The following PTPRO variants were observed in gnomAD, a reference collection of about 807,000 sequenced individuals.
PTPRO encodes the protein receptor-type tyrosine-protein phosphatase O.
PTPRO carries 62 observed loss-of-function variants against 145.2 expected under a neutral mutation model. The observed-to-expected ratio is 0.43, with a 90% CI of 0.35 to 0.53. The LOEUF (loss-of-function observed/expected upper bound fraction) is 0.53, where lower values mean the gene tolerates loss of function less well. PTPRO is among the 20% of genes least tolerant of loss of function. PTPRO has a pLI of 0.01. For synonymous variants in PTPRO, 565 were observed against 514.7 expected, an observed-to-expected ratio of 1.10 and a Z score of -1.32; for missense variants, 1,345 against 1,482.7, an observed-to-expected ratio of 0.91 and a Z score of 1.53.
intron 1 of PTPRO, among the ~76,000 whole-genome samples, chr12:15,445,278 T>A (rs530189178): frequency 6.6e-6 from 1 of 152,288 alleles, no homozygotes; most frequent in South Asian, 2.1e-4. Context: ...CATATATTTC[T>A]TTTATCTAAA....
intron 19 of PTPRO, among the ~76,000 whole-genome samples, chr12:15,577,598 G>T (rs1944214347): frequency 6.6e-6 from 1 of 152,166 alleles, no homozygotes; most frequent in Admixed American, 6.5e-5. Flanking sequence ...ATTATGAAGA[G>T]TAAAACTTGT....
intron 1 of PTPRO, among the ~76,000 whole-genome samples, chr12:15,362,781 A>G (rs1938248982): frequency 6.6e-6 from 1 of 152,098 alleles, no homozygotes; most frequent in Non-Finnish European, 1.5e-5. Context: ...ATAAAATAAA[A>G]CGATATTATA....
At chr12:15,554,880 G>C (rs1370047060) in intron 15 of PTPRO, among the ~76,000 whole-genome samples, 1 of 152,282 alleles carries the variant, frequency 6.6e-6, no homozygotes. Flanking sequence ...GCAAGTGCAG[G>C]TGCAGAGTAG....
intron 2 of PTPRO, among the ~76,000 whole-genome samples, chr12:15,493,124 G>C (rs1942032840): frequency 6.6e-6 from 1 of 152,094 alleles, no homozygotes; most frequent in Non-Finnish European, 1.5e-5. Flanking sequence ...ATCTACAAAG[G>C]AATGACTATT....
At chr12:15,465,901 A>G (rs142208337) in intron 1 of PTPRO, among the ~76,000 whole-genome samples, 40 of 152,252 alleles carry the variant, frequency 2.6e-4, no homozygotes, top group African/African-American at 4.3e-4. Flanking sequence ...AAGAAACCCC[A>G]TGGTTTTTTT....
intron 12 of PTPRO, among the ~76,000 whole-genome samples, chr12:15,528,522 C>CAA (rs34411111): frequency 0.43 from 55,117 of 129,602 alleles, 11,190 homozygotes; most frequent in Admixed American, 0.48. Context: ...AAGAATCTGT[C>CAA]AAAAAAAAAA....
In PTPRO at chr12:15,322,676, C is replaced by G; in HGVS notation, c.-51C>G. On this transcript the variant is annotated 5_prime_UTR_variant, in exon 1 of 27. Coordinates refer to ENST00000281171, the MANE Select transcript of PTPRO (RefSeq NM_030667.3). The surrounding 1 kb of genome is among the most constrained non-coding windows in gnomAD (Gnocchi z 6.3). Reference sequence around the variant, plus strand: ...CCAGTTCGCCATTGTGAGCCGCCGCCGGGGGAGTCCGCTAGCGCAGCCGTG... The same window carrying G: ...CCAGTTCGCCATTGTGAGCCGCCGCGGGGGGAGTCCGCTAGCGCAGCCGTG... 2 of 1,520,254 alleles carry G rather than the reference C, an allele frequency of 1.3e-6. No homozygotes were observed. The highest frequency in any genetic ancestry group is 1.9e-4 in the Middle Eastern group (1 of 5,370). 94.2% of individuals were successfully genotyped at this position (1,520,254 alleles called of 1,614,324 possible).
At chr12:15,430,140 C>T (rs1940393393) in intron 1 of PTPRO, among the ~76,000 whole-genome samples, 1 of 151,580 alleles carries the variant, frequency 6.6e-6, no homozygotes, top group South Asian at 2.1e-4. Context: ...CCTAGAGATA[C>T]AGATTTGAGA....
intron 1 of PTPRO, among the ~76,000 whole-genome samples, chr12:15,385,319 C>T (rs887433141): frequency 2.0e-5 from 3 of 152,108 alleles, no homozygotes; most frequent in Non-Finnish European, 4.4e-5. Flanking sequence ...AGAAGTATAA[C>T]GTTGATGCTT....
At chr12:15,550,803 A>G (rs1048051957) in intron 14 of PTPRO, among the ~76,000 whole-genome samples, 1 of 152,212 alleles carries the variant, frequency 6.6e-6, no homozygotes, top group Non-Finnish European at 1.5e-5. Flanking sequence ...CCCATTTTAA[A>G]GAGTTTTATA....
chr12:15,549,129 C>T lies in PTPRO; in HGVS notation c.2340C>T (p.Ile780=). 3.1e-6 allele frequency: 5 copies of T among 1,613,626 alleles called. No homozygotes were observed. Among genetic ancestry groups the T allele is most frequent in the Non-Finnish European group, 4.2e-6 (5 of 1,179,676 alleles). The change falls in exon 14 of 27, where the codon ATC becomes ATT. Residue 780 remains isoleucine (I), a synonymous_variant. Coordinates refer to ENST00000281171, the MANE Select transcript of PTPRO (RefSeq NM_030667.3). ...CTGTTTCTTCCCATGTCGTGACCAT[C>T]TCCAGCCTTCTTCCTGCCACTGCCT... ...PVAVSSHVVT[I]SSLLPATAYN...
Position 15,380,501 on chromosome 12 carries a change from T to C in PTPRO, c.75+57700T>C, listed in dbSNP as rs146951182. 8.5e-3 allele frequency among the ~76,000 whole-genome samples: 1,292 copies of C among 152,256 alleles called. 19 individuals carry two copies. The highest frequency in any genetic ancestry group is 0.03 in the African/African-American group (1,236 of 41,562). ...AATAGACTCAAAGAATAACAACTTA[T>C]GTAATTTTAAAAGACATATTGGGCC... On this transcript the variant is annotated intron_variant, in intron 1 of 26. Transcript: ENST00000281171.
rs1389491611 is a variant in PTPRO, at chr12:15,501,624, T to C, written c.666T>C (p.Pro222=). Residue 222 remains proline, a synonymous_variant, in exon 5 of 27, where the codon CCT becomes CCC. Coordinates refer to ENST00000281171, the MANE Select transcript of PTPRO (RefSeq NM_030667.3). ...SHEPKQHRTA[P]YPPQNISVRI... ...TGAAAATTCTCTCTCTTACAGCCCCTTATCCACCTCAAAATATTTCCGTTC... is the reference window on the plus strand; with the variant it reads ...TGAAAATTCTCTCTCTTACAGCCCCCTATCCACCTCAAAATATTTCCGTTC... 4.3e-6 allele frequency: 7 copies of C among 1,612,430 alleles called. No homozygotes were observed. Among genetic ancestry groups the C allele is most frequent in the Non-Finnish European group, 5.9e-6 (7 of 1,178,666 alleles).
Position 15,501,859 on chromosome 12 carries a change from G to T in PTPRO, c.901G>T (p.Asp301Tyr), listed in dbSNP as rs748211493. 9 of 1,613,984 alleles carry T rather than the reference G, an allele frequency of 5.6e-6. No homozygotes were observed. Among genetic ancestry groups the T allele is most frequent in the Non-Finnish European group, 5.9e-6 (7 of 1,180,018 alleles). ...AACTACGTCTCAGCCATATTGGTGG[G>T]ACAGTGCATCTGCAGCTCCTGAAAG... ...YETTSQPYWWDSASAAPESED... is the reference protein window; with the variant it reads ...YETTSQPYWWYSASAAPESED... The change falls in exon 5 of 27, where the codon GAC becomes TAC. Residue 301 changes from aspartate (D) to tyrosine (Y), a missense_variant. Physicochemically the swap from Asp to Tyr is radical, Grantham distance 160. Around this residue, in one of 3 missense-constraint regions of PTPRO, gnomAD observed 1,130 missense variants for 1,214.7 expected, o/e 0.93. Transcript: ENST00000281171.
intron 1 of PTPRO, among the ~76,000 whole-genome samples, chr12:15,389,013 T>C (rs946081745): frequency 7.2e-5 from 11 of 152,126 alleles, no homozygotes; most frequent in Non-Finnish European, 1.3e-4. Context: ...TTTTTATCTA[T>C]TTTGATGGTA....
intron 15 of PTPRO, among the ~76,000 whole-genome samples, chr12:15,554,478 G>A (rs551994697): frequency 2.0e-5 from 3 of 151,832 alleles, no homozygotes; most frequent in African/African-American, 7.2e-5. Context: ...AGTTTATTAA[G>A]TATTAACTTC....
At chr12:15,414,911 CT>C (rs1459585837) in intron 1 of PTPRO, among the ~76,000 whole-genome samples, 2 of 152,142 alleles carry the variant, frequency 1.3e-5, no homozygotes, top group Non-Finnish European at 2.9e-5. Context: ...CTAAATTGCT[CT>C]AAATCCACCT....
chr12:15,454,033 G>A (rs1042291854), intron 1 of PTPRO, among the ~76,000 whole-genome samples: 3 of 152,274 alleles, frequency 2.0e-5, no homozygotes, highest in Non-Finnish European at 4.4e-5. Flanking sequence ...CAGCTGCAGT[G>A]AACAAGAGAG....
chr12:15,404,255 T>C (rs1939587915), intron 1 of PTPRO, among the ~76,000 whole-genome samples: 1 of 150,544 alleles, frequency 6.6e-6, no homozygotes, highest in Non-Finnish European at 1.5e-5. Flanking sequence ...AGTATTTGAC[T>C]AAATAACAAA....
Sources: gnomAD v4.1 joint callset for allele counts (sites outside exome capture counted in the v4.1 genomes callset) on GRCh38, gnomAD v4.1.1 for gene constraint, gnomAD v4.1.1 regional missense constraint, Gnocchi (gnomAD v3.1) non-coding constraint, MANE v1.5 for transcripts, NCBI Gene and HGNC (gene_info 2026-07-23, HGNC 2026-07-21) for gene names.